Variants in SLC35A1 observed in about 807,000 individuals in gnomAD.
The protein encoded by SLC35A1 is CMP-sialic acid transporter.
In SLC35A1, 21 loss-of-function variants were observed where a neutral mutation model predicts 40.3. That is an observed-to-expected ratio of 0.52 (90% CI 0.37 to 0.75). The LOEUF is 0.75. Among genes scored for constraint, SLC35A1 ranks in the 30% least tolerant of loss-of-function variants. The pLI is 0.00. For missense variants in SLC35A1, 297 were observed against 382.1 expected (o/e 0.78, Z 1.86); for synonymous variants, 146 against 147.3 (o/e 0.99, Z 0.06).
intron 2 of SLC35A1, among the ~76,000 whole-genome samples, chr6:87,496,790 A>AAAAAAAC (rs1554166041): frequency 3.5e-5 from 5 of 144,456 alleles, no homozygotes; most frequent in African/African-American, 1.0e-4. Context: ...AAAAAAAAAA[A>AAAAAAAC]AAAAGAAAAA....
chr6:87,486,923 T>C (rs1769408083), intron 2 of SLC35A1, among the ~76,000 whole-genome samples: 1 of 152,106 alleles, frequency 6.6e-6, no homozygotes, highest in African/African-American at 2.4e-5. Context: ...ACACCTATAA[T>C]CTCAGCACTT....
Position 87,501,090 on chromosome 6 carries a change from C to T in SLC35A1, c.355-68C>T. The T allele has an allele frequency of 2.2e-6, 3 of 1,353,688 alleles. No homozygotes were observed. The South Asian group carries it at 3.5e-5, about 16-fold the overall frequency. The allele number at this position is 1,353,688 out of a possible 1,614,324, so 83.9% of individuals were successfully genotyped here. A position where few individuals can be genotyped will look rare whatever the true frequency, so the allele number is the denominator to read the frequency against. ...TTATTGATAATTTTATCAATGATAC[C>T]AGAAATAATATATTTGTATCAGAGA... On this transcript the variant is annotated intron_variant, in intron 3 of 7. Transcript: ENST00000369552.
At chr6:87,490,046 T>C (rs895530770) in intron 2 of SLC35A1, among the ~76,000 whole-genome samples, 2 of 151,810 alleles carry the variant, frequency 1.3e-5, no homozygotes, top group Admixed American at 6.6e-5. Context: ...TTGGGCAACA[T>C]GGCAAAACCT....
At chr6:87,478,829 A>G (rs763429872) in intron 2 of SLC35A1, among the ~76,000 whole-genome samples, 6 of 152,318 alleles carry the variant, frequency 3.9e-5, no homozygotes, top group Non-Finnish European at 5.9e-5. Context: ...TTTTCCTTCT[A>G]TAGAAGGGTG....
chr6:87,505,407 TG>T (rs1205184912), intron 4 of SLC35A1, among the ~76,000 whole-genome samples: 4 of 152,204 alleles, frequency 2.6e-5, no homozygotes, highest in Non-Finnish European at 4.4e-5. Context: ...CCCATATACT[TG>T]GATCTGTGAG....
At chr6:87,494,944 C>T (rs960619590) in intron 2 of SLC35A1, among the ~76,000 whole-genome samples, 4 of 152,060 alleles carry the variant, frequency 2.6e-5, no homozygotes, top group Non-Finnish European at 5.9e-5. Flanking sequence ...AAAACACTTT[C>T]ATATTGCCTT....
rs888573899 is a variant in SLC35A1 at position 87,512,232 on chromosome 6, T to A, written c.*706T>A. ...TTCTAATGTCACTTTTGTACTTTTTTAAATAAAGTATGTTTAACTGTTGGG... is the reference window on the plus strand; with the variant it reads ...TTCTAATGTCACTTTTGTACTTTTTAAAATAAAGTATGTTTAACTGTTGGG... On this transcript the variant is annotated 3_prime_UTR_variant, in exon 8 of 8. Coordinates refer to ENST00000369552, the MANE Select transcript of SLC35A1 (RefSeq NM_006416.5). The A allele has an allele frequency of 2.6e-5, 4 of 152,786 alleles. No individual in the cohort carries two copies. Among genetic ancestry groups the A allele is most frequent in the African/African-American group, 7.2e-5 (3 of 41,474 alleles). The allele number at this position is 152,786 out of a possible 1,614,324, so 9.5% of individuals were successfully genotyped here. A position where few individuals can be genotyped will look rare whatever the true frequency, so the allele number is the denominator to read the frequency against.
At chr6:87,507,096 A>G (rs1279337475) in intron 5 of SLC35A1, 1 of 152,410 alleles carries the variant, frequency 6.6e-6, no homozygotes, top group East Asian at 1.9e-4. Flanking sequence ...AAAAAGTTTT[A>G]GAAATAGTTC....
chr6:87,475,909 T>C lies in SLC35A1; in HGVS notation c.17-1453T>C, dbSNP rs185629490. On this transcript the variant is annotated intron_variant, in intron 1 of 7. Transcript: ENST00000369552. ...GTTTCTGGCCCTTTGCAGAAAAATT[T>C]GCTGATCCCTGTTTAACCTTGAGCC... 3.3e-5 allele frequency among the ~76,000 whole-genome samples: 5 copies of C among 152,324 alleles called. No individual in the cohort carries two copies. In the East Asian group the frequency reaches 5.8e-4, roughly 18 times the overall value.
Position 87,511,734 on chromosome 6 carries a change from ATTG to A in SLC35A1, c.*211_*213del. The A allele has an allele frequency of 3.4e-6, 2 of 587,468 alleles. No individual in the cohort carries two copies. Among genetic ancestry groups the A allele is most frequent in the Non-Finnish European group, 3.1e-6 (1 of 327,612 alleles). The allele number at this position is 587,468 out of a possible 1,614,324, so 36.4% of individuals were successfully genotyped here. A position where few individuals can be genotyped will look rare whatever the true frequency, so the allele number is the denominator to read the frequency against. ...AATGTAGACCTGTTTGGGGTCTACT[ATTG>A]TTTTAGAATGAAGGAATTGTATTAT... On this transcript the variant is annotated 3_prime_UTR_variant, in exon 8 of 8. Coordinates refer to ENST00000369552, the MANE Select transcript of SLC35A1 (RefSeq NM_006416.5).
At chr6:87,497,962 C>T (rs1336955905) in intron 2 of SLC35A1, among the ~76,000 whole-genome samples, 1 of 151,406 alleles carries the variant, frequency 6.6e-6, no homozygotes, top group Non-Finnish European at 1.5e-5. Flanking sequence ...CTCCTGGCCT[C>T]AAGTGATCCT....
chr6:87,478,535 C>T (rs2300900), intron 2 of SLC35A1, among the ~76,000 whole-genome samples: 44,761 of 151,886 alleles, frequency 0.29, 6,831 homozygotes, highest in Admixed American at 0.4. Context: ...TAGAAACAGA[C>T]ATTACATTTA....
chr6:87,479,702 C>T (rs970867501), intron 2 of SLC35A1, among the ~76,000 whole-genome samples: 1 of 152,220 alleles, frequency 6.6e-6, no homozygotes, highest in African/African-American at 2.4e-5. Flanking sequence ...CCTAATTGCT[C>T]AGCTATTCCT....
intron 1 of SLC35A1, among the ~76,000 whole-genome samples, chr6:87,475,340 T>C (rs776288621): frequency 3.3e-5 from 5 of 152,248 alleles, no homozygotes; most frequent in Non-Finnish European, 7.3e-5. Context: ...TTGTTCACCC[T>C]TTATCTAGAA....
At chr6:87,474,194 A>G (rs1769002080) in intron 1 of SLC35A1, among the ~76,000 whole-genome samples, 2 of 152,250 alleles carry the variant, frequency 1.3e-5, no homozygotes, top group South Asian at 4.1e-4. Flanking sequence ...TAGCTGCAAC[A>G]ATGTAAAGGT....
intron 2 of SLC35A1, among the ~76,000 whole-genome samples, chr6:87,483,179 TTCTC>T (rs960196451): frequency 4.0e-5 from 6 of 151,678 alleles, no homozygotes; most frequent in African/African-American, 7.3e-5. Context: ...CTCTCTCTCT[TTCTC>T]TCTCTCTGAC....
Position 87,506,376 on chromosome 6 carries a change from T to C in SLC35A1, c.508-6T>C. On this transcript the variant is annotated splice_polypyrimidine_tract_variant and splice_region_variant and intron_variant, in intron 4 of 7. Coordinates refer to ENST00000369552, the MANE Select transcript of SLC35A1 (RefSeq NM_006416.5). ...CTAAAAATAACTTTAACAATTAATA[T>C]TGCAGGTGGAACAAAATCCATTATT... The C allele has an allele frequency of 1.9e-6, 3 of 1,609,666 alleles. No homozygotes were observed. The highest frequency in any genetic ancestry group is 2.6e-6 in the Non-Finnish European group (3 of 1,176,104).
At chr6:87,502,824 A>G (rs1056821228) in intron 4 of SLC35A1, among the ~76,000 whole-genome samples, 8 of 152,068 alleles carry the variant, frequency 5.3e-5, no homozygotes, top group Admixed American at 3.3e-4. Flanking sequence ...TGTTCCCTCA[A>G]TCTGTCTGCA....
intron 6 of SLC35A1, 93 bp from the exon 7 acceptor site, chr6:87,508,948 A>G: frequency 2.2e-6 from 3 of 1,341,526 alleles, no homozygotes; most frequent in Non-Finnish European, 3.2e-6. Context: ...TTCCTAGGTA[A>G]AGTATGGCAT....
Sources: gnomAD v4.1 joint callset for allele counts (sites outside exome capture counted in the v4.1 genomes callset) on GRCh38, gnomAD v4.1.1 for gene constraint, MANE v1.5 for transcripts, NCBI Gene and HGNC (gene_info 2026-07-23, HGNC 2026-07-21) for gene names.